The following TTC39C variants were observed in gnomAD, a reference collection of about 807,000 sequenced individuals.
The protein encoded by TTC39C is tetratricopeptide repeat protein 39C.
A neutral mutation model predicts 76.3 loss-of-function variants in TTC39C; 33 were observed. The ratio of observed to expected loss-of-function variants is 0.43; its 90% CI spans 0.33 to 0.58. The LOEUF is 0.58. TTC39C is among the 20% of genes least tolerant of loss of function. The pLI is 0.04. For missense variants in TTC39C, 595 were observed against 701.4 expected (o/e 0.85, Z 1.71); for synonymous variants, 254 against 260.6 (o/e 0.97, Z 0.24).
intron 1 of TTC39C, among the ~76,000 whole-genome samples, chr18:24,007,458 G>A (rs8090587): frequency 0.013 from 1,918 of 152,132 alleles, 36 homozygotes; most frequent in African/African-American, 0.044. Flanking sequence ...ATCTCGGCTC[G>A]CTGCAACTTC....
intron 1 of TTC39C, chr18:24,006,589 T>A (rs9961726): frequency 8.9e-5 from 3 of 33,686 alleles, no homozygotes; most frequent in African/African-American, 2.3e-4. Flanking sequence ...CGGGGGCGGG[T>A]GGGGGGGAGA....
At chr18:24,047,881 T>A (rs1312719424) in intron 1 of TTC39C, among the ~76,000 whole-genome samples, 1 of 152,194 alleles carries the variant, frequency 6.6e-6, no homozygotes, top group African/African-American at 2.4e-5. Context: ...TATTACACAT[T>A]GTATGCCTGT....
intron 1 of TTC39C, among the ~76,000 whole-genome samples, chr18:24,045,123 G>A (rs961861627): frequency 2.0e-5 from 3 of 152,076 alleles, no homozygotes; most frequent in Admixed American, 1.3e-4. Context: ...ACAAAAATTA[G>A]CCAGACACGG....
At chr18:24,111,920 TATA>T (rs1245867577) in intron 6 of TTC39C, among the ~76,000 whole-genome samples, 153 of 78,350 alleles carry the variant, frequency 2.0e-3, no homozygotes, top group East Asian at 4.8e-3. Flanking sequence ...TATATATATA[TATA>T]TTTTTTTTGG....
intron 3 of TTC39C, among the ~76,000 whole-genome samples, chr18:24,066,454 T>C (rs1323155224): frequency 1.3e-5 from 2 of 152,216 alleles, no homozygotes; most frequent in Non-Finnish European, 2.9e-5. Context: ...ACGATGGCAG[T>C]TGATGAATAA....
rs1335894641 is a variant in TTC39C at position 24,081,525 on chromosome 18, T to C, written c.815+586T>C. On this transcript the variant is annotated intron_variant, in intron 5 of 13. Transcript: ENST00000317571. ...TTCTACATCAGTTAAAAGTGATGTG[T>C]TTTTTGTTTGTTTGTTTTAGTCTGG... Among the ~76,000 whole-genome samples the C allele has an allele frequency of 1.2e-4, 18 of 152,314 alleles. 1 individual carries two copies. The South Asian group carries it at 3.7e-3, about 32-fold the overall frequency.
At chr18:24,023,293 C>T (rs1265332923) in intron 1 of TTC39C, among the ~76,000 whole-genome samples, 1 of 152,210 alleles carries the variant, frequency 6.6e-6, no homozygotes, top group Non-Finnish European at 1.5e-5. Context: ...GAGCTCCTGC[C>T]TGGCCCCGTC....
At chr18:23,994,813 G>C (rs766904582) in intron 1 of TTC39C, among the ~76,000 whole-genome samples, 6 of 152,020 alleles carry the variant, frequency 3.9e-5, no homozygotes, top group Non-Finnish European at 7.4e-5. Flanking sequence ...TCATCACCAG[G>C]GCCACGCGCT....
Position 24,069,862 on chromosome 18 carries a change from C to T in TTC39C, c.460+591C>T, listed in dbSNP as rs578025885. 3.3e-5 allele frequency among the ~76,000 whole-genome samples: 5 copies of T among 152,294 alleles called. No individual in the cohort carries two copies. The South Asian group carries it at 1.0e-3, about 32-fold the overall frequency. On this transcript the variant is annotated intron_variant, in intron 4 of 13. Transcript: ENST00000317571. ...TGAGCCTCTAAAACTTGTCCTATGA[C>T]TGAGTCTAAAATTGACCTAATTCTT...
intron 2 of TTC39C, 42 bp downstream of exon 2, chr18:24,064,230 T>G (rs1393535375): frequency 6.2e-7 from 1 of 1,605,018 alleles, no homozygotes; most frequent in East Asian, 2.2e-5. Context: ...AAGGAAACAA[T>G]TATATAAAGT....
chr18:24,089,290 C>G (rs1314116581), intron 6 of TTC39C, among the ~76,000 whole-genome samples: 1 of 152,160 alleles, frequency 6.6e-6, no homozygotes, highest in African/African-American at 2.4e-5. Flanking sequence ...TTTGGAACAG[C>G]ATGCCTTGTC....
At chr18:24,102,853 C>T (rs1269474206) in intron 6 of TTC39C, among the ~76,000 whole-genome samples, 1 of 152,162 alleles carries the variant, frequency 6.6e-6, no homozygotes, top group East Asian at 1.9e-4. Flanking sequence ...CACGCCTGTA[C>T]ACTCCCACTT....
At chr18:24,116,850 G>A (rs548429513) in intron 7 of TTC39C, among the ~76,000 whole-genome samples, 1 of 125,324 alleles carries the variant, frequency 8.0e-6, no homozygotes, top group South Asian at 2.7e-4. Context: ...TTTTAAGACA[G>A]GGTCTCACTG....
intron 1 of TTC39C, among the ~76,000 whole-genome samples, chr18:24,017,181 T>G (rs553675635): frequency 6.6e-6 from 1 of 152,334 alleles, no homozygotes; most frequent in Non-Finnish European, 1.5e-5. Context: ...TTTCCTTGGC[T>G]CCATCTGATT....
At chr18:24,005,047 A>G (rs1160458769) in intron 1 of TTC39C, among the ~76,000 whole-genome samples, 1 of 152,234 alleles carries the variant, frequency 6.6e-6, no homozygotes, top group African/African-American at 2.4e-5. Flanking sequence ...GGAAGAACTA[A>G]TGCCATGAAA....
intron 2 of TTC39C, 92 bp downstream of exon 2, chr18:24,064,280 TGTA>T: frequency 7.0e-7 from 1 of 1,430,986 alleles, no homozygotes; most frequent in Non-Finnish European, 9.6e-7. Flanking sequence ...GATACACTAT[TGTA>T]GAAAGTCTTT....
At chr18:24,048,409 C>A (rs910304852) in intron 1 of TTC39C, among the ~76,000 whole-genome samples, 4 of 152,170 alleles carry the variant, frequency 2.6e-5, no homozygotes, top group Admixed American at 2.0e-4. Context: ...TTTCTGACTT[C>A]TTTAAATAAA....
intron 6 of TTC39C, among the ~76,000 whole-genome samples, chr18:24,112,708 G>C (rs753024242): frequency 8.5e-5 from 13 of 152,210 alleles, no homozygotes; most frequent in Non-Finnish European, 1.6e-4. Flanking sequence ...GAACAGCTCG[G>C]TGGTGATGGC....
chr18:24,088,566 T>A (rs2145772092), intron 6 of TTC39C, among the ~76,000 whole-genome samples: 1 of 152,274 alleles, frequency 6.6e-6, no homozygotes, highest in East Asian at 1.9e-4. Context: ...ATATAATCTT[T>A]CTCCTATTTG....
Sources: allele counts gnomAD v4.1 joint callset (sites outside exome capture counted in the v4.1 genomes callset), GRCh38; gene constraint gnomAD v4.1.1; transcripts MANE v1.5; gene names NCBI Gene and HGNC (gene_info 2026-07-23, HGNC 2026-07-21).